IQCK: variants seen among roughly 807,000 people sequenced by gnomAD.
IQCK encodes the protein IQ motif containing K.
Under a neutral mutation model 28.1 loss-of-function variants are expected in IQCK, and 29 were observed. The observed-to-expected ratio is 1.03, with a 90% confidence interval of 0.77 to 1.41. IQCK has a LOEUF of 1.41. Ranked by LOEUF, IQCK falls within the 40% of genes most tolerant of loss-of-function variation. IQCK has a pLI of 0.00. For missense variants in IQCK, 359 were observed against 314.7 expected (o/e 1.14, Z -1.07); for synonymous variants, 113 against 115.1 (o/e 0.98, Z 0.12).
At chr16:19,817,410 C>T (rs2056003839) in intron 7 of IQCK, among the ~76,000 whole-genome samples, 2 of 152,168 alleles carry the variant, frequency 1.3e-5, no homozygotes, top group African/African-American at 2.4e-5. Flanking sequence ...AAAGCCTTCT[C>T]TAGAGATCCA....
At chr16:19,770,980 G>A (rs2151717738) in intron 6 of IQCK, among the ~76,000 whole-genome samples, 1 of 152,266 alleles carries the variant, frequency 6.6e-6, no homozygotes, top group Non-Finnish European at 1.5e-5. Context: ...GATTACATTA[G>A]CTCACCTAGA....
At chr16:19,815,470 G>A (rs1329021170) in intron 7 of IQCK, among the ~76,000 whole-genome samples, 4 of 152,160 alleles carry the variant, frequency 2.6e-5, no homozygotes, top group African/African-American at 9.7e-5. Flanking sequence ...AGGCAGCATA[G>A]TGAGACCCCA....
exon 3 of IQCK, chr16:19,733,723 T>C: frequency 5.0e-6 from 8 of 1,614,224 alleles, no homozygotes; most frequent in Non-Finnish European, 6.8e-6. Flanking sequence ...GAAATGCTTT[T>C]TCATGGCTTC....
intron 7 of IQCK, among the ~76,000 whole-genome samples, chr16:19,822,844 T>TA (rs1272833496): frequency 6.6e-6 from 1 of 152,236 alleles, no homozygotes; most frequent in African/African-American, 2.4e-5. Context: ...TGGTACAGTT[T>TA]ATGCTACGTG....
At chr16:19,853,110 G>C (rs1946092530) in intron 9 of IQCK, among the ~76,000 whole-genome samples, 1 of 152,162 alleles carries the variant, frequency 6.6e-6, no homozygotes, top group African/African-American at 2.4e-5. Flanking sequence ...AAGGGTTTCT[G>C]CAGTGGGATA....
downstream of IQCK, among the ~76,000 whole-genome samples, chr16:19,827,687 A>G (rs1295307360): frequency 3.9e-5 from 6 of 152,148 alleles, no homozygotes; most frequent in East Asian, 1.9e-4. Context: ...GCTTCATCCA[A>G]TCTGTTAAGG....
Position 19,733,579 on chromosome 16 carries a change from G to C in IQCK, c.247-119G>C, listed in dbSNP as rs141991282. 6.3e-6 allele frequency: 7 copies of C among 1,119,912 alleles called. No individual in the cohort carries two copies. In the Admixed American group the frequency reaches 1.5e-4, roughly 24 times the overall value. 69.4% of individuals were successfully genotyped at this position (1,119,912 alleles called of 1,614,324 possible). ...AGGGAGACAAAGATCTGTGCTCAGC[G>C]TACCCCCTTGAACCTTAAAGTCTGA... On this transcript the variant is annotated intron_variant, in intron 2 of 7. Transcript: ENST00000564186.
At chr16:19,764,347 T>G in intron 6 of IQCK, 1 of 393,196 alleles carries the variant, frequency 2.5e-6, no homozygotes, top group Non-Finnish European at 4.5e-6. Flanking sequence ...AAAAAAAAAT[T>G]ATTATCCTAA....
chr16:19,765,050 G>A lies in IQCK; in HGVS notation c.605+938G>A, dbSNP rs1274111835. ...ATCCTGGCTAACACAGTGAAACCCC[G>A]TCTCTACTAAAAATACAAAAAATTA... On this transcript the variant is annotated intron_variant, in intron 6 of 7. Coordinates refer to ENST00000564186, the Ensembl canonical transcript of IQCK. 1.3e-3 allele frequency among the ~76,000 whole-genome samples: 186 copies of A among 145,358 alleles called. 1 individual carries two copies. The highest frequency in any genetic ancestry group is 4.2e-3 in the African/African-American group (168 of 40,060).
chr16:19,765,221 CA>C (rs756571642), intron 6 of IQCK, among the ~76,000 whole-genome samples: 17,132 of 62,992 alleles, frequency 0.27, 1,060 homozygotes, highest in African/African-American at 0.31. Context: ...GACTCCATCT[CA>C]AAAAAAAAAA....
At chr16:19,726,090 A>G (rs1265850020) in intron 1 of IQCK, among the ~76,000 whole-genome samples, 3 of 151,826 alleles carry the variant, frequency 2.0e-5, no homozygotes, top group African/African-American at 7.3e-5. Context: ...TAAGTTTTGT[A>G]TTTTTAGTAG....
chr16:19,770,703 A>G (rs1233261382), intron 6 of IQCK, among the ~76,000 whole-genome samples: 1 of 151,830 alleles, frequency 6.6e-6, no homozygotes, highest in Non-Finnish European at 1.5e-5. Context: ...GCTCACTGCA[A>G]CCTCTGCCTC....
At chr16:19,767,468 C>T (rs1195172497) in intron 6 of IQCK, among the ~76,000 whole-genome samples, 1 of 152,174 alleles carries the variant, frequency 6.6e-6, no homozygotes. Context: ...CACAGCTTTC[C>T]TCCGACTAAC....
exon 10 of IQCK, chr16:19,856,802 TC>T: frequency 2.2e-6 from 1 of 452,680 alleles, no homozygotes; most frequent in Non-Finnish European, 3.9e-6. Flanking sequence ...CTTCAGTGCC[TC>T]AGGAGTATTC....
At chr16:19,811,592 C>T (rs1006175475) in intron 7 of IQCK, among the ~76,000 whole-genome samples, 1 of 152,112 alleles carries the variant, frequency 6.6e-6, no homozygotes, top group Admixed American at 6.6e-5. Flanking sequence ...AAAGACGACC[C>T]CACCAAAAAG....
At chr16:19,819,676 A>G (rs1381736706) in intron 7 of IQCK, 1 of 152,944 alleles carries the variant, frequency 6.5e-6, no homozygotes, top group Non-Finnish European at 1.5e-5. Flanking sequence ...TTTAATAACT[A>G]GAGACTTAGT....
intron 9 of IQCK, among the ~76,000 whole-genome samples, chr16:19,846,978 A>G (rs1460337721): frequency 6.6e-6 from 1 of 152,152 alleles, no homozygotes; most frequent in African/African-American, 2.4e-5. Context: ...GGTTAAGACC[A>G]TGGGTTTTGG....
intron 9 of IQCK, among the ~76,000 whole-genome samples, chr16:19,835,262 GA>G (rs1487259033): frequency 1.3e-4 from 20 of 152,068 alleles, no homozygotes; most frequent in Admixed American, 7.9e-4. Context: ...TAGCCTGGGT[GA>G]CAGAGCAAGA....
intron 9 of IQCK, among the ~76,000 whole-genome samples, chr16:19,840,872 TAGG>T (rs2056355811): frequency 6.6e-6 from 1 of 152,208 alleles, no homozygotes. Flanking sequence ...CAAAGTCCAT[TAGG>T]ACTTCTGGTT....
Sources: gnomAD v4.1 joint callset for allele counts (sites outside exome capture counted in the v4.1 genomes callset) on GRCh38, gnomAD v4.1.1 for gene constraint, MANE v1.5 for transcripts, NCBI Gene and HGNC (gene_info 2026-07-23, HGNC 2026-07-21) for gene names.